The following ADGRV1 variants were observed in gnomAD, a reference collection of about 807,000 sequenced individuals.
ADGRV1 encodes adhesion G protein-coupled receptor V1.
A neutral mutation model predicts 596.2 loss-of-function variants in ADGRV1; 359 were observed. That is an observed-to-expected ratio of 0.60 (90% CI 0.55 to 0.66). The LOEUF (loss-of-function observed/expected upper bound fraction) is 0.66, where lower values mean the gene tolerates loss of function less well. Ranked by LOEUF, ADGRV1 falls within the 30% of genes least tolerant of loss-of-function variation. ADGRV1 has a pLI of 0.00. For synonymous variants in ADGRV1, 2,681 were observed against 2,679.2 expected (o/e 1.00, Z -0.02); for missense variants, 7,274 against 7,575.6 (o/e 0.96, Z 1.48).
intron 83 of ADGRV1, among the ~76,000 whole-genome samples, chr5:90,944,005 T>G (rs1776374401): frequency 6.6e-6 from 1 of 152,184 alleles, no homozygotes; most frequent in Admixed American, 6.5e-5. Flanking sequence ...TAAATTATCT[T>G]TATTGTATTT....
intron 87 of ADGRV1, among the ~76,000 whole-genome samples, chr5:91,111,756 A>C (rs766230400): frequency 7.2e-5 from 11 of 152,194 alleles, no homozygotes; most frequent in Non-Finnish European, 1.3e-4. Flanking sequence ...AAACATGTAG[A>C]AGCCAAGGGA....
chr5:90,895,168 G>A (rs1771187610), intron 83 of ADGRV1, among the ~76,000 whole-genome samples: 2 of 152,118 alleles, frequency 1.3e-5, no homozygotes, highest in South Asian at 4.2e-4. Flanking sequence ...GGGCTCAAGT[G>A]ATCCTCATGC....
chr5:90,797,596 G>C (rs967632098), intron 70 of ADGRV1, among the ~76,000 whole-genome samples: 2 of 152,138 alleles, frequency 1.3e-5, no homozygotes, highest in African/African-American at 4.8e-5. Flanking sequence ...AGGGTATTCA[G>C]GACTTGAACT....
intron 89 of ADGRV1, among the ~76,000 whole-genome samples, chr5:91,159,394 T>C (rs952955367): frequency 2.6e-5 from 4 of 152,212 alleles, no homozygotes; most frequent in Non-Finnish European, 5.9e-5. Context: ...TTCAAACTTA[T>C]ATTAAAGGCA....
At chr5:91,050,287 C>T (rs906691196) in intron 85 of ADGRV1, among the ~76,000 whole-genome samples, 8 of 152,154 alleles carry the variant, frequency 5.3e-5, no homozygotes, top group Non-Finnish European at 7.3e-5. Context: ...GAGACATCAG[C>T]GGTCTAGCTC....
Position 90,965,485 on chromosome 5 carries a change from T to C in ADGRV1, c.17927T>C (p.Val5976Ala), listed in dbSNP as rs1177681822. Reference protein sequence around the residue: ...AEESCSAMAAVTHYLYLCQFS... With the variant: ...AEESCSAMAAATHYLYLCQFS... ...GAGAGCTGTTCAGCTATGGCTGCTGTCACACATTACCTGTATCTTTGCCAG... is the reference window on the plus strand; with the variant it reads ...GAGAGCTGTTCAGCTATGGCTGCTGCCACACATTACCTGTATCTTTGCCAG... The change falls in exon 84 of 90, where the codon GTC becomes GCC. Residue 5976 changes from valine (V) to alanine (A), a missense_variant. Physicochemically the swap from Val to Ala is moderately conservative, Grantham distance 64. Transcript: ENST00000405460. 6.2e-7 allele frequency: 1 copy of C among 1,613,788 alleles called. No individual in the cohort carries two copies. Among genetic ancestry groups the C allele is most frequent in the Admixed American group, 1.7e-5 (1 of 60,030 alleles).
At chr5:90,562,954 G>A (rs1755054669) in intron 1 of ADGRV1, among the ~76,000 whole-genome samples, 1 of 152,018 alleles carries the variant, frequency 6.6e-6, no homozygotes, top group Admixed American at 6.5e-5. Context: ...TATTTTCTTT[G>A]TTTATACTAT....
chr5:91,033,607 A>G (rs1403001703), intron 85 of ADGRV1, among the ~76,000 whole-genome samples: 1 of 151,986 alleles, frequency 6.6e-6, no homozygotes, highest in East Asian at 1.9e-4. Context: ...CAATGTGCAA[A>G]CAGGGCCCTG....
At position 90,863,859 on chromosome 5, in the gene ADGRV1, T is replaced by A; in HGVS notation, c.17856+2T>A. Reference sequence around the variant, plus strand: ...ATGGCAGCCAGCTTAGGTACACAGGTAGGAGAGCGCTGGCATTTTTGATTT... The same window carrying A: ...ATGGCAGCCAGCTTAGGTACACAGGAAGGAGAGCGCTGGCATTTTTGATTT... On this transcript the variant is annotated splice_donor_variant, in intron 83 of 89. Coordinates refer to ENST00000405460, the MANE Select transcript of ADGRV1 (RefSeq NM_032119.4). LOFTEE classifies it high-confidence loss of function. The A allele has an allele frequency of 6.3e-7, 1 of 1,589,224 alleles. No individual in the cohort carries two copies. The highest frequency in any genetic ancestry group is 8.6e-7 in the Non-Finnish European group (1 of 1,157,638).
At position 91,153,203 on chromosome 5, in the gene ADGRV1, C is replaced by G. The variant is rs1221290273; in HGVS notation, c.18625-18C>G. The G allele has an allele frequency of 1.3e-6, 2 of 1,589,960 alleles. No individual in the cohort carries two copies. Among genetic ancestry groups the G allele is most frequent in the African/African-American group, 1.3e-5 (1 of 74,224 alleles). On this transcript the variant is annotated intron_variant, in intron 88 of 89. Transcript: ENST00000405460. ...TTCATATTATGGTTTCTTTTTCCCCCCATCCCAATCTAAAAAGGTGCCACC... is the reference window on the plus strand; with the variant it reads ...TTCATATTATGGTTTCTTTTTCCCCGCATCCCAATCTAAAAAGGTGCCACC...
chr5:90,724,796 G>C, intron 45 of ADGRV1, 36 bp from the exon 46 acceptor site: 1 of 1,590,598 alleles, frequency 6.3e-7, no homozygotes, highest in Non-Finnish European at 8.6e-7. Context: ...TTTTGAAGGA[G>C]TAATAAACTA....
chr5:90,759,373 T>G, intron 57 of ADGRV1, 36 bp from the exon 58 acceptor site: 1 of 1,369,882 alleles, frequency 7.3e-7, no homozygotes, highest in African/African-American at 1.4e-5. Flanking sequence ...CTTCTTTTCC[T>G]CCCTCTCTTT....
chr5:90,822,652 C>G (rs545012545), intron 75 of ADGRV1, among the ~76,000 whole-genome samples: 1 of 152,052 alleles, frequency 6.6e-6, no homozygotes, highest in Non-Finnish European at 1.5e-5. Flanking sequence ...GTAGTTTTTT[C>G]CAATTCTGTG....
chr5:90,563,446 A>T lies in ADGRV1; in HGVS notation c.22+4529A>T, dbSNP rs1176849694. Among the ~76,000 whole-genome samples, 2 of 152,248 alleles carry T rather than the reference A, an allele frequency of 1.3e-5. 1 individual carries two copies. The highest frequency in any genetic ancestry group is 2.9e-5 in the Non-Finnish European group (2 of 68,042). On this transcript the variant is annotated intron_variant, in intron 1 of 89. Coordinates refer to ENST00000405460, the MANE Select transcript of ADGRV1 (RefSeq NM_032119.4). The stretch of plus-strand genomic sequence containing the variant: ...TTCAACTGTAGGGTGCCATAGGGCA[A>T]GGAAAATGAAATACCAAGCAAATAA...
chr5:90,961,986 C>G (rs938186491), intron 83 of ADGRV1, among the ~76,000 whole-genome samples: 1 of 152,108 alleles, frequency 6.6e-6, no homozygotes, highest in African/African-American at 2.4e-5. Context: ...GTTAGCACTT[C>G]GAGAGGGGAC....
At chr5:91,088,128 T>C (rs901615173) in intron 86 of ADGRV1, among the ~76,000 whole-genome samples, 6 of 152,182 alleles carry the variant, frequency 3.9e-5, no homozygotes, top group African/African-American at 1.4e-4. Flanking sequence ...ATAGGAAAAA[T>C]TTAAATGTGT....
chr5:90,831,300 A>G (rs563934743), intron 77 of ADGRV1, among the ~76,000 whole-genome samples: 3 of 149,586 alleles, frequency 2.0e-5, no homozygotes, highest in Admixed American at 6.6e-5. Context: ...CACACACACA[A>G]AAACATAAGT....
intron 32 of ADGRV1, 37 bp from the exon 33 acceptor site, chr5:90,693,853 G>C (rs768308521): frequency 6.9e-7 from 1 of 1,449,426 alleles, no homozygotes; most frequent in Non-Finnish European, 9.2e-7. Context: ...TACTTTGAGT[G>C]CTTAACCTGT....
In ADGRV1 at chr5:90,627,677, A is replaced by G. The variant is rs1764951053; in HGVS notation, c.1139A>G (p.Gln380Arg). The G allele has an allele frequency of 1.9e-6, 3 of 1,613,684 alleles. No individual in the cohort carries two copies. The highest frequency in any genetic ancestry group is 2.2e-5 in the East Asian group (1 of 44,872). The part of the protein sequence containing the change: ...DAVLISPSVV[Q>R]VTIKPNDKPY... The stretch of plus-strand genomic sequence containing the variant: ...GTGCTAATAAGCCCTTCTGTTGTAC[A>G]AGTCACCATTAAGCCAAATGATAAA... Residue 380 changes from glutamine (Q) to arginine (R), a missense_variant, in exon 7 of 90, where the codon CAA (glutamine) becomes CGA (arginine). Physicochemically the swap from Gln to Arg is conservative, Grantham distance 43 (BLOSUM62 1). Around this residue, in one of 5 missense-constraint regions of ADGRV1, gnomAD observed 1,715 missense variants for 1,708.8 expected, o/e 1.00. Transcript: ENST00000405460.
Sources: gnomAD v4.1 joint callset for allele counts (sites outside exome capture counted in the v4.1 genomes callset) on GRCh38, gnomAD v4.1.1 for gene constraint, gnomAD v4.1.1 regional missense constraint, MANE v1.5 for transcripts, NCBI Gene and HGNC (gene_info 2026-07-23, HGNC 2026-07-21) for gene names.